The following CELSR1 variants were observed in gnomAD, a reference collection of about 807,000 sequenced individuals.
CELSR1 encodes adhesion G protein-coupled receptor C1.
CELSR1 carries 110 observed loss-of-function variants against 249.1 expected under a neutral mutation model. That is an observed-to-expected ratio of 0.44 (90% CI 0.38 to 0.52). The LOEUF (loss-of-function observed/expected upper bound fraction) is 0.52. CELSR1 is among the 20% of genes least tolerant of loss of function. CELSR1 has a pLI of 0.00. For synonymous variants in CELSR1, 2,113 were observed against 1,900.0 expected (o/e 1.11, Z -2.92); for missense variants, 4,109 against 4,296.4 (o/e 0.96, Z 1.22).
chr22:46,418,356 G>C (rs1269157231), intron 5 of CELSR1, among the ~76,000 whole-genome samples: 1 of 152,062 alleles, frequency 6.6e-6, no homozygotes, highest in African/African-American at 2.4e-5. Flanking sequence ...CATGGTGGTG[G>C]GGGCCTGTAA....
At chr22:46,414,550 C>T (rs572166772) in intron 5 of CELSR1, among the ~76,000 whole-genome samples, 3 of 151,430 alleles carry the variant, frequency 2.0e-5, no homozygotes, top group African/African-American at 7.3e-5. Context: ...CACTCTCCCG[C>T]CTCTCGGCGA....
chr22:46,464,578 C>T lies in CELSR1; in HGVS notation c.3545-233G>A, dbSNP rs1315135197. ...CCTCCCTCCTCCGGCACCCTAACCC[C>T]TGCCCTGGCTTCCTAAAGCACAGCT... is the stretch of plus-strand genomic sequence containing the variant. On this transcript the variant is annotated intron_variant, in intron 1 of 34. Transcript: ENST00000674500. This position sits in a 1 kb window ranked among gnomAD's most constrained non-coding sequence, Gnocchi z 8.5. 6.6e-6 allele frequency among the ~76,000 whole-genome samples: 1 copy of T among 152,126 alleles called. No individual in the cohort carries two copies. Among genetic ancestry groups the T allele is most frequent in the Non-Finnish European group, 1.5e-5 (1 of 68,016 alleles).
chr22:46,440,366 A>AT lies in CELSR1; in HGVS notation c.4184-956dup, dbSNP rs1193110640. Among the ~76,000 whole-genome samples, 1 of 152,038 alleles carries AT rather than the reference A, an allele frequency of 6.6e-6. No homozygotes were observed. The highest frequency in any genetic ancestry group is 2.4e-5 in the African/African-American group (1 of 41,404). ...CTCCACCACATGGGGAGTTAGGCTA[A>AT]TTTTTTGTATTTTTAGTAGAGACGG... On this transcript the variant is annotated intron_variant, in intron 2 of 34. Transcript: ENST00000674500. This position sits in a 1 kb window ranked among gnomAD's most constrained non-coding sequence, Gnocchi z 4.7.
intron 1 of CELSR1, among the ~76,000 whole-genome samples, chr22:46,505,780 A>G (rs1219726617): frequency 2.6e-5 from 4 of 152,080 alleles, no homozygotes; most frequent in Non-Finnish European, 5.9e-5. Context: ...TACTTTATGC[A>G]CCTCTCTTTG....
At chr22:46,508,014 C>T (rs555446801) in intron 1 of CELSR1, among the ~76,000 whole-genome samples, 28 of 152,326 alleles carry the variant, frequency 1.8e-4, no homozygotes, top group African/African-American at 6.3e-4. Flanking sequence ...TTGGTCCCGC[C>T]GGGATAGCCC....
intron 2 of CELSR1, among the ~76,000 whole-genome samples, chr22:46,455,363 G>A (rs2079935846): frequency 6.6e-6 from 1 of 152,172 alleles, no homozygotes; most frequent in African/African-American, 2.4e-5. Context: ...CCAAGTAGCT[G>A]GGATTACAGG....
rs907820134 is a variant in CELSR1, at chr22:46,508,255, C to A, written c.3544+25372G>T. 4.1e-5 allele frequency among the ~76,000 whole-genome samples: 6 copies of A among 145,368 alleles called. No individual in the cohort carries two copies. In the South Asian group the frequency reaches 1.1e-3, roughly 27 times the overall value. On this transcript the variant is annotated intron_variant, in intron 1 of 34. Coordinates refer to ENST00000674500, the MANE Select transcript of CELSR1 (RefSeq NM_001378328.1). ...GATCCTGGGCGCCAACTGGCCCCCG[C>A]GGGACAGAAGCCAGCCCTGCTCGTC...
rs1009229727 is a variant in CELSR1, at chr22:46,429,633, C to T, written c.4611+3760G>A. On this transcript the variant is annotated intron_variant, in intron 5 of 34. Coordinates refer to ENST00000674500, the MANE Select transcript of CELSR1 (RefSeq NM_001378328.1). This position sits in a 1 kb window ranked among gnomAD's most constrained non-coding sequence, Gnocchi z 4.1. Reference sequence around the variant, plus strand: ...GAAAAATAAACAGACTCTGCCTGCTCCCTGCCTGGGAGGGTTCCCTACCCC... The same window carrying T: ...GAAAAATAAACAGACTCTGCCTGCTTCCTGCCTGGGAGGGTTCCCTACCCC... 2.6e-5 allele frequency among the ~76,000 whole-genome samples: 4 copies of T among 152,228 alleles called. No individual in the cohort carries two copies. Among genetic ancestry groups the T allele is most frequent in the African/African-American group, 9.7e-5 (4 of 41,446 alleles).
At chr22:46,507,546 C>T (rs891574657) in intron 1 of CELSR1, among the ~76,000 whole-genome samples, 8 of 152,152 alleles carry the variant, frequency 5.3e-5, no homozygotes, top group South Asian at 2.1e-4. Flanking sequence ...CAACAGCCTG[C>T]GGTGTGAGTC....
intron 9 of CELSR1, among the ~76,000 whole-genome samples, chr22:46,405,256 C>T (rs2079252576): frequency 6.6e-6 from 1 of 150,826 alleles, no homozygotes; most frequent in Non-Finnish European, 1.5e-5. Flanking sequence ...GTCAGGAGAC[C>T]GAGACCATCC....
chr22:46,495,828 T>A (rs932112122), intron 1 of CELSR1, among the ~76,000 whole-genome samples: 6 of 151,934 alleles, frequency 3.9e-5, no homozygotes, highest in African/African-American at 1.5e-4. Context: ...AAAATATATT[T>A]TTTTTTCTTT....
chr22:46,391,915 G>C lies in CELSR1; in HGVS notation c.5965-99C>G. On this transcript the variant is annotated intron_variant, in intron 14 of 34. Coordinates refer to ENST00000674500, the MANE Select transcript of CELSR1 (RefSeq NM_001378328.1). The surrounding 1 kb of genome is among the most constrained non-coding windows in gnomAD (Gnocchi z 4.3). ...GCGACGTCCAGACTCCCACCCGGGTGTGTGTGTTGGCCGCCAGCCATCCCA... is the reference window on the plus strand; with the variant it reads ...GCGACGTCCAGACTCCCACCCGGGTCTGTGTGTTGGCCGCCAGCCATCCCA... 1 of 1,296,550 alleles carries C rather than the reference G, an allele frequency of 7.7e-7. No individual in the cohort carries two copies. The allele number at this position is 1,296,550 out of a possible 1,614,324, so 80.3% of individuals were successfully genotyped here.
intron 2 of CELSR1, among the ~76,000 whole-genome samples, chr22:46,457,297 G>C (rs1349047941): frequency 6.6e-6 from 1 of 151,842 alleles, no homozygotes; most frequent in East Asian, 1.9e-4. Flanking sequence ...GTGAGCCAAG[G>C]TTGTGCCACT....
intron 11 of CELSR1, 37 bp from the exon 12 acceptor site, chr22:46,397,885 C>T (rs377126792): frequency 9.1e-5 from 134 of 1,478,418 alleles, no homozygotes; most frequent in Non-Finnish European, 1.2e-4. Flanking sequence ...TACAGGAGCC[C>T]GGAAAGGTAT....
intron 1 of CELSR1, among the ~76,000 whole-genome samples, chr22:46,480,570 T>C (rs888169627): frequency 2.6e-5 from 4 of 152,216 alleles, no homozygotes; most frequent in East Asian, 1.9e-4. Flanking sequence ...GGATTTTGTT[T>C]CACAGCTTAT....
Position 46,397,734 on chromosome 22 carries a change from A to T in CELSR1, c.5641T>A (p.Cys1881Ser). Residue 1881 changes from cysteine to serine, a missense_variant, in exon 12 of 35, where the codon TGT (cysteine) becomes AGT (serine). By Grantham distance (112) the Cys-to-Ser change is moderately radical. Around this residue, in one of 7 missense-constraint regions of CELSR1, gnomAD observed 1,805 missense variants for 1,831.6 expected, o/e 0.99. Transcript: ENST00000674500. ...TCGTGGCAGCGGCTATTGGGGGGAC[A>T]GGGGCTCGAGGTACAGGGGTCGTCC... The part of the protein sequence containing the change: ...DVDDPCTSSP[C>S]PPNSRCHDAW... The T allele has an allele frequency of 1.3e-6, 2 of 1,590,104 alleles. No homozygotes were observed. The highest frequency in any genetic ancestry group is 1.7e-6 in the Non-Finnish European group (2 of 1,167,208).
chr22:46,527,492 G>A lies in CELSR1; in HGVS notation c.3544+6135C>T, dbSNP rs1482751361. Among the ~76,000 whole-genome samples the A allele has an allele frequency of 5.9e-5, 9 of 152,104 alleles. No individual in the cohort carries two copies. The highest frequency in any genetic ancestry group is 2.1e-4 in the South Asian group (1 of 4,828). On this transcript the variant is annotated intron_variant, in intron 1 of 34. Transcript: ENST00000674500. This position sits in a 1 kb window ranked among gnomAD's most constrained non-coding sequence, Gnocchi z 5.5. ...GGGGGGTAGAGAAGAGTCCCAGCCC[G>A]CCCTTGCCTGCACCTGGTGTCACCA...
At chr22:46,389,735 G>A (rs1467977437) in intron 17 of CELSR1, among the ~76,000 whole-genome samples, 3 of 152,204 alleles carry the variant, frequency 2.0e-5, no homozygotes. Context: ...GTCCAATATG[G>A]TGAAAACCCG....
rs1602183911 is a variant in CELSR1 at position 46,472,220 on chromosome 22, C to G, written c.3545-7875G>C. On this transcript the variant is annotated intron_variant, in intron 1 of 34. Transcript: ENST00000674500. The surrounding 1 kb of genome is among the most constrained non-coding windows in gnomAD (Gnocchi z 7.0). ...CTGGCAGGTGCTGTACAAACGTGAA[C>G]CACATCATGGGAAGGAACTTTCTGG... is the stretch of plus-strand genomic sequence containing the variant. Among the ~76,000 whole-genome samples the G allele has an allele frequency of 6.6e-6, 1 of 152,196 alleles. No individual in the cohort carries two copies. The highest frequency in any genetic ancestry group is 1.5e-5 in the Non-Finnish European group (1 of 68,042).
Sources: allele counts gnomAD v4.1 joint callset (sites outside exome capture counted in the v4.1 genomes callset), GRCh38; gene constraint gnomAD v4.1.1; regional missense constraint gnomAD v4.1.1; non-coding constraint Gnocchi (gnomAD v3.1); transcripts MANE v1.5; gene names NCBI Gene and HGNC (gene_info 2026-07-23, HGNC 2026-07-21).